The following RSPRY1 variants were observed in gnomAD, a reference collection of about 807,000 sequenced individuals.
The protein encoded by RSPRY1 is ring finger and SPRY domain containing 1.
In RSPRY1, 23 loss-of-function variants were observed where a neutral mutation model predicts 73.1. The ratio of observed to expected loss-of-function variants is 0.31; its 90% confidence interval spans 0.23 to 0.45. The LOEUF (loss-of-function observed/expected upper bound fraction) is 0.45. Among genes scored for constraint, RSPRY1 ranks in the 20% least tolerant of loss-of-function variants. The pLI, the probability that RSPRY1 is intolerant of heterozygous loss-of-function variation, is 1.00. For synonymous variants in RSPRY1, 226 were observed against 251.4 expected, an observed-to-expected ratio of 0.90 and a Z score of 0.95; for missense variants, 448 against 698.7, an observed-to-expected ratio of 0.64 and a Z score of 4.05.
rs1208189426 is a variant in RSPRY1 at position 57,200,696 on chromosome 16, TGGCCGGGCAGAGG to T, written c.-155-3804_-155-3792del. Among the ~76,000 whole-genome samples, 66 of 109,184 alleles carry T rather than the reference TGGCCGGGCAGAGG, an allele frequency of 6.0e-4. 3 individuals are homozygous for T. The highest frequency in any genetic ancestry group is 2.4e-3 in the African/African-American group (65 of 26,998). The allele number at this position is 109,184 out of a possible 152,430, so 71.6% of individuals were successfully genotyped here. ...CCACCTCCCTCCCGGACGGGGCGGC[TGGCCGGGCAGAGG>T]GGCTCCTCTCTTCCCAGTAGGGGCG... On this transcript the variant is annotated intron_variant, in intron 1 of 14. Transcript: ENST00000394420.
Position 57,220,371 on chromosome 16 carries a change from T to TC in RSPRY1, c.902-361_902-360insC, listed in dbSNP as rs2075014979. 2.4e-4 allele frequency: 40 copies of TC among 168,016 alleles called. No individual in the cohort carries two copies. The South Asian group carries it at 5.5e-3, about 23-fold the overall frequency. The allele number at this position is 168,016 out of a possible 1,614,324, so 10.4% of individuals were successfully genotyped here. A position where few individuals can be genotyped will look rare whatever the true frequency, so the allele number is the denominator to read the frequency against. On this transcript the variant is annotated intron_variant, in intron 8 of 14. Transcript: ENST00000394420. ...TTGTAGAGATCTTTCACTTCTTTGA[T>TC]TAAGTTATTCCTAGGTATCTTATTT...
intron 8 of RSPRY1, among the ~76,000 whole-genome samples, chr16:57,218,774 C>T (rs1346007898): frequency 1.8e-5 from 2 of 108,230 alleles, no homozygotes; most frequent in Non-Finnish European, 3.5e-5. Context: ...CTCGCTCTGT[C>T]GCCCAGGCTG....
intron 1 of RSPRY1, among the ~76,000 whole-genome samples, chr16:57,203,491 G>C (rs1271744863): frequency 6.6e-6 from 1 of 152,116 alleles, no homozygotes; most frequent in Non-Finnish European, 1.5e-5. Context: ...CCAGCTGTCA[G>C]CCTGTTTTGT....
At chr16:57,236,385 G>C (rs2075300071) in intron 14 of RSPRY1, among the ~76,000 whole-genome samples, 1 of 152,142 alleles carries the variant, frequency 6.6e-6, no homozygotes, top group Admixed American at 6.5e-5. Flanking sequence ...ATCCAAAATA[G>C]AGTTGGAAGA....
intron 9 of RSPRY1, 44 bp downstream of exon 9, chr16:57,220,891 G>A: frequency 7.4e-7 from 1 of 1,358,336 alleles, no homozygotes; most frequent in Non-Finnish European, 1.1e-6. Context: ...GGATGAGAGG[G>A]TAATTATTTT....
intron 10 of RSPRY1, among the ~76,000 whole-genome samples, chr16:57,222,233 C>T (rs540950169): frequency 3.3e-5 from 5 of 152,060 alleles, no homozygotes; most frequent in Non-Finnish European, 5.9e-5. Flanking sequence ...CTAAACTTGC[C>T]GGCCATAAGT....
chr16:57,221,567 C>A, intron 10 of RSPRY1, 152 bp downstream of exon 10: 2 of 724,622 alleles, frequency 2.8e-6, no homozygotes, highest in South Asian at 4.6e-5. Flanking sequence ...TAACAATGAT[C>A]TACTAAACTG....
chr16:57,224,590 A>G (rs185148487), intron 10 of RSPRY1: 18 of 152,376 alleles, frequency 1.2e-4, no homozygotes, highest in African/African-American at 4.1e-4. Flanking sequence ...ATGGAAACCA[A>G]AATTAATCCT....
At chr16:57,202,197 A>G (rs1161764345) in intron 1 of RSPRY1, among the ~76,000 whole-genome samples, 1 of 150,906 alleles carries the variant, frequency 6.6e-6, no homozygotes. Context: ...GAGGGAAACT[A>G]TGAACACCAA....
intron 1 of RSPRY1, among the ~76,000 whole-genome samples, chr16:57,190,225 C>G (rs1021708931): frequency 6.6e-6 from 1 of 151,972 alleles, no homozygotes; most frequent in Non-Finnish European, 1.5e-5. Context: ...AAAAATTAGC[C>G]CAGCGTGGTG....
chr16:57,227,294 G>C, intron 10 of RSPRY1, 48 bp from the exon 11 acceptor site: 1 of 1,290,332 alleles, frequency 7.7e-7, no homozygotes, highest in Non-Finnish European at 1.1e-6. Flanking sequence ...CTGTTCCCAG[G>C]TCAGAGCAGG....
rs767368814 is a variant in RSPRY1 at position 57,221,254 on chromosome 16, A to C, written c.1018-18A>C. The C allele has an allele frequency of 3.7e-6, 6 of 1,612,748 alleles. No individual in the cohort carries two copies. The highest frequency in any genetic ancestry group is 5.1e-6 in the Non-Finnish European group (6 of 1,179,624). ...TCAGGCCCTCATAGTTGATTGACAC[A>C]TTTTTTGGTTTTGCCAGGCTCGCTG... is the stretch of plus-strand genomic sequence containing the variant. On this transcript the variant is annotated intron_variant, in intron 9 of 14. Transcript: ENST00000394420.
chr16:57,236,066 C>G (rs1362255032), intron 14 of RSPRY1, among the ~76,000 whole-genome samples: 1 of 152,232 alleles, frequency 6.6e-6, no homozygotes, highest in Non-Finnish European at 1.5e-5. Context: ...GTGATTCCAG[C>G]TGTGATTAAT....
intron 1 of RSPRY1, chr16:57,186,734 A>G (rs1200122415): frequency 2.0e-5 from 3 of 151,972 alleles, no homozygotes; most frequent in Admixed American, 6.6e-5. Context: ...CCTCACCAGA[A>G]GAGGTTCTTG....
intron 1 of RSPRY1, among the ~76,000 whole-genome samples, chr16:57,191,491 C>T (rs1349168328): frequency 2.0e-5 from 3 of 152,172 alleles, no homozygotes; most frequent in Non-Finnish European, 2.9e-5. Context: ...ACAAGCTTCT[C>T]ACATGTCATA....
At position 57,222,207 on chromosome 16, in the gene RSPRY1, A is replaced by G. The variant is rs181192688; in HGVS notation, c.1161+792A>G. On this transcript the variant is annotated intron_variant, in intron 10 of 14. Coordinates refer to ENST00000394420, the MANE Select transcript of RSPRY1 (RefSeq NM_133368.3). ...GATCCTGGAATGGGTTTTAGAAGTGATCCAACAAAATCAAGCTAAACTTGC... is the reference window on the plus strand; with the variant it reads ...GATCCTGGAATGGGTTTTAGAAGTGGTCCAACAAAATCAAGCTAAACTTGC... 1.2e-4 allele frequency among the ~76,000 whole-genome samples: 18 copies of G among 152,060 alleles called. No individual in the cohort carries two copies. The East Asian group carries it at 2.9e-3, about 24-fold the overall frequency.
intron 4 of RSPRY1, among the ~76,000 whole-genome samples, chr16:57,210,280 A>G (rs928409643): frequency 2.6e-5 from 4 of 151,086 alleles, no homozygotes; most frequent in Admixed American, 1.3e-4. Flanking sequence ...GGGTCTCACT[A>G]TGTTGCCCAG....
At chr16:57,228,918 C>T (rs754383197) in intron 11 of RSPRY1, among the ~76,000 whole-genome samples, 22 of 152,204 alleles carry the variant, frequency 1.4e-4, no homozygotes, top group Non-Finnish European at 2.5e-4. Flanking sequence ...TAGTCTCAAA[C>T]TTCTGGGCTC....
chr16:57,212,495 A>C (rs2074861912), intron 4 of RSPRY1, among the ~76,000 whole-genome samples: 1 of 152,200 alleles, frequency 6.6e-6, no homozygotes, highest in African/African-American at 2.4e-5. Context: ...ATGAAGTGGA[A>C]TCTAGTAAGT....
Sources: gnomAD v4.1 joint callset for allele counts (sites outside exome capture counted in the v4.1 genomes callset) on GRCh38, gnomAD v4.1.1 for gene constraint, MANE v1.5 for transcripts, NCBI Gene and HGNC (gene_info 2026-07-23, HGNC 2026-07-21) for gene names.